Variants in HMGN3 observed in about 807,000 individuals in gnomAD.
HMGN3 encodes the protein high mobility group nucleosomal binding domain 3, also known as high mobility group nucleosome-binding domain-containing protein 3.
A neutral mutation model predicts 18.8 loss-of-function variants in HMGN3; 6 were observed. That is an observed-to-expected ratio of 0.32 (90% confidence interval 0.18 to 0.63). The LOEUF is 0.63. Among genes scored for constraint, HMGN3 ranks in the 30% least tolerant of loss-of-function variants. The probability of loss-of-function intolerance (pLI) is 0.79; values close to 1 mark genes in which losing one functional copy is unlikely to be tolerated. For synonymous variants in HMGN3, 40 were observed against 36.5 expected (o/e 1.10, Z -0.35); for missense variants, 107 against 114.2 (o/e 0.94, Z 0.29).
In HMGN3 at chr6:79,223,386, C is replaced by G. The variant is rs372257845; in HGVS notation, c.16-8364G>C. The stretch of plus-strand genomic sequence containing the variant: ...ATTAGCTGGGCCGGGTGGCATATGC[C>G]TGTAGTCCTAGCTACTCAGGAGACT... On this transcript the variant is annotated intron_variant, in intron 1 of 5. Coordinates refer to ENST00000344726, the Ensembl canonical transcript of HMGN3. 2.5e-4 allele frequency among the ~76,000 whole-genome samples: 38 copies of G among 152,280 alleles called. No individual in the cohort carries two copies. The East Asian group carries it at 3.9e-3, about 15-fold the overall frequency.
At chr6:79,226,708 CTCTT>C (rs1777583428) in intron 1 of HMGN3, among the ~76,000 whole-genome samples, 1 of 152,130 alleles carries the variant, frequency 6.6e-6, no homozygotes, top group Admixed American at 6.5e-5. Flanking sequence ...ACTGACATTT[CTCTT>C]AAAATATTAA....
At chr6:79,214,793 G>GC (rs966234842) in intron 2 of HMGN3, among the ~76,000 whole-genome samples, 179 bp downstream of exon 2, 1 of 152,134 alleles carries the variant, frequency 6.6e-6, no homozygotes, top group Admixed American at 6.5e-5. Flanking sequence ...ACACACCTAG[G>GC]CCAAGCGAGA....
intron 1 of HMGN3, among the ~76,000 whole-genome samples, chr6:79,233,253 G>GCGTGAGGGA (rs1432275657): frequency 6.6e-6 from 1 of 152,208 alleles, no homozygotes; most frequent in African/African-American, 2.4e-5. Context: ...ATTCTGCACA[G>GCGTGAGGGA]CGTGAGGGAC....
At position 79,208,523 on chromosome 6, in the gene HMGN3, C is replaced by T. The variant is rs759659747; in HGVS notation, c.96+24G>A. On this transcript the variant is annotated intron_variant, in intron 3 of 5. Transcript: ENST00000344726. ...GAACATGTACTCATAAGAACTAACA[C>T]TGAAGTGGTTCTAAGGTACTTACCG... 3 of 1,592,992 alleles carry T rather than the reference C, an allele frequency of 1.9e-6. No homozygotes were observed. The African/African-American group carries it at 4.0e-5, about 21-fold the overall frequency.
chr6:79,211,011 C>CA (rs59749044), intron 2 of HMGN3, among the ~76,000 whole-genome samples: 3,049 of 89,700 alleles, frequency 0.034, 90 homozygotes, highest in South Asian at 0.053. Flanking sequence ...GAAATTAATG[C>CA]AAAAAAAAAA....
chr6:79,233,072 G>A (rs1159328198), intron 1 of HMGN3, among the ~76,000 whole-genome samples: 1 of 152,192 alleles, frequency 6.6e-6, no homozygotes, highest in Non-Finnish European at 1.5e-5. Context: ...TTTCGTAAGT[G>A]AGTACGAAAT....
intron 5 of HMGN3, 79 bp from the exon 7 acceptor site, chr6:79,201,805 C>T (rs1410017713): frequency 1.3e-6 from 2 of 1,557,420 alleles, no homozygotes; most frequent in Non-Finnish European, 1.7e-6. Context: ...CCCACCAACA[C>T]ACACAGTTTT....
chr6:79,221,756 C>T (rs1214314065), intron 1 of HMGN3, among the ~76,000 whole-genome samples: 1 of 152,150 alleles, frequency 6.6e-6, no homozygotes, highest in Non-Finnish European at 1.5e-5. Flanking sequence ...AGGCAGGAGG[C>T]AGAGAAGTTT....
chr6:79,231,682 G>C (rs1777841577), intron 1 of HMGN3, among the ~76,000 whole-genome samples: 1 of 152,154 alleles, frequency 6.6e-6, no homozygotes, highest in African/African-American at 2.4e-5. Context: ...ATACAATCAG[G>C]AGACACACTT....
intron 2 of HMGN3, among the ~76,000 whole-genome samples, chr6:79,212,440 G>T (rs1029659345): frequency 4.6e-5 from 7 of 152,082 alleles, no homozygotes; most frequent in African/African-American, 1.7e-4. Context: ...CCACTAAAAG[G>T]AAGCTCCATG....
At chr6:79,234,442 C>A in intron 1 of HMGN3, 104 bp downstream of exon 1, 1 of 1,079,852 alleles carries the variant, frequency 9.3e-7, no homozygotes, top group East Asian at 2.4e-5. Context: ...GATTCCCAAT[C>A]CCCGGGTTAC....
At chr6:79,223,127 G>A (rs113467317) in intron 1 of HMGN3, among the ~76,000 whole-genome samples, 12 of 152,184 alleles carry the variant, frequency 7.9e-5, no homozygotes, top group African/African-American at 2.9e-4. Flanking sequence ...ATCTGTAATC[G>A]CAGCACTTTG....
At chr6:79,234,178 C>G (rs1358254206) in intron 1 of HMGN3, 1 of 208,302 alleles carries the variant, frequency 4.8e-6, no homozygotes, top group Admixed American at 5.6e-5. Flanking sequence ...TTTCTCCTCT[C>G]GCTGTTTTCC....
intron 1 of HMGN3, chr6:79,234,249 G>C (rs1444273230): frequency 3.0e-6 from 1 of 331,322 alleles, no homozygotes; most frequent in Non-Finnish European, 5.5e-6. Flanking sequence ...GGAATGGAAA[G>C]CCGCTTTTGC....
At chr6:79,215,945 T>C (rs1442608717) in intron 1 of HMGN3, among the ~76,000 whole-genome samples, 1 of 152,166 alleles carries the variant, frequency 6.6e-6, no homozygotes, top group Non-Finnish European at 1.5e-5. Flanking sequence ...AGAGCTCCTG[T>C]TAGAAAAAAA....
At chr6:79,231,250 T>C (rs1440998397) in intron 1 of HMGN3, among the ~76,000 whole-genome samples, 2 of 152,214 alleles carry the variant, frequency 1.3e-5, no homozygotes, top group Non-Finnish European at 2.9e-5. Flanking sequence ...GGCTCATGTC[T>C]CTTCGTAGAA....
chr6:79,220,021 T>C (rs1433252354), intron 1 of HMGN3, among the ~76,000 whole-genome samples: 1 of 152,214 alleles, frequency 6.6e-6, no homozygotes, highest in Non-Finnish European at 1.5e-5. Flanking sequence ...AAGTGTTTAA[T>C]AAACTCATGC....
chr6:79,216,319 T>C (rs1172148296), intron 1 of HMGN3, among the ~76,000 whole-genome samples: 4 of 152,198 alleles, frequency 2.6e-5, no homozygotes, highest in African/African-American at 9.7e-5. Flanking sequence ...TATTTACATA[T>C]TTATGTAACA....
At chr6:79,229,739 G>A (rs537049101) in intron 1 of HMGN3, among the ~76,000 whole-genome samples, 5 of 152,116 alleles carry the variant, frequency 3.3e-5, no homozygotes, top group Non-Finnish European at 5.9e-5. Flanking sequence ...TTAGCCGGGC[G>A]TAGTGGCGGG....
Sources: allele counts gnomAD v4.1 joint callset (sites outside exome capture counted in the v4.1 genomes callset), GRCh38; gene constraint gnomAD v4.1.1; transcripts MANE v1.5; gene names NCBI Gene and HGNC (gene_info 2026-07-23, HGNC 2026-07-21).